The following ZNF827 variants were observed in gnomAD, a reference collection of about 807,000 sequenced individuals.
ZNF827 encodes the protein zinc finger protein 827.
In ZNF827, 13 loss-of-function variants were observed where a neutral mutation model predicts 102.4. That is an observed-to-expected ratio of 0.13 (90% CI 0.08 to 0.20). ZNF827 has a LOEUF of 0.20. Among genes scored for constraint, ZNF827 ranks in the 10% least tolerant of loss-of-function variants. ZNF827 has a pLI of 1.00. For missense variants in ZNF827, 1,103 were observed against 1,344.4 expected (o/e 0.82, Z 2.81); for synonymous variants, 523 against 536.2 (o/e 0.98, Z 0.34).
chr4:145,902,171 T>A lies in ZNF827; in HGVS notation c.1088A>T (p.Asn363Ile), dbSNP rs763846233. Reference protein sequence around the residue: ...VPKGRVSKPSNSASEEESGKP... With the variant: ...VPKGRVSKPSISASEEESGKP... Reference sequence around the variant, plus strand: ...TGAAAGAAAAGATGCCATACCTGAATTGGAGGGTTTAGAAACTCTTCCCTT... The same window carrying A: ...TGAAAGAAAAGATGCCATACCTGAAATGGAGGGTTTAGAAACTCTTCCCTT... Residue 363 changes from asparagine (N) to isoleucine (I), a missense_variant, in exon 2 of 15, where the codon AAT (asparagine) becomes ATT (isoleucine). Asn to Ile is a moderately radical substitution (Grantham distance 149). This residue lies in a region of ZNF827 where 441 missense variants were observed against 458.6 expected (regional missense o/e 0.96). Coordinates refer to ENST00000508784, the MANE Select transcript of ZNF827 (RefSeq NM_001306215.2). The surrounding 1 kb of genome is among the most constrained non-coding windows in gnomAD (Gnocchi z 4.3). 1 of 1,592,316 alleles carries A rather than the reference T, an allele frequency of 6.3e-7. No individual in the cohort carries two copies. Among genetic ancestry groups the A allele is most frequent in the East Asian group, 2.2e-5 (1 of 44,836 alleles).
intron 3 of ZNF827, among the ~76,000 whole-genome samples, chr4:145,891,360 G>T (rs1332421813): frequency 6.6e-6 from 1 of 152,192 alleles, no homozygotes; most frequent in Non-Finnish European, 1.5e-5. Context: ...TGCATAATAA[G>T]ATTTCAATTC....
chr4:145,892,594 C>T lies in ZNF827; in HGVS notation c.1094-179G>A, dbSNP rs563747954. Among the ~76,000 whole-genome samples the T allele has an allele frequency of 5.3e-5, 8 of 152,256 alleles. No homozygotes were observed. The South Asian group carries it at 1.7e-3, about 32-fold the overall frequency. ...GTACTGCTTTTCTTCAGGTAGAAAC[C>T]CATATTCACCTAGTTACTTCCATCT... On this transcript the variant is annotated intron_variant, in intron 2 of 14. Transcript: ENST00000508784.
chr4:145,787,175 T>C (rs1738974396), intron 8 of ZNF827, among the ~76,000 whole-genome samples: 1 of 152,126 alleles, frequency 6.6e-6, no homozygotes. Context: ...TGAGAAATAG[T>C]TTTTGTCGGC....
At position 145,885,930 on chromosome 4, in the gene ZNF827, C is replaced by T. The variant is rs141750019; in HGVS notation, c.1495G>A (p.Gly499Arg). 329 of 1,614,194 alleles carry T rather than the reference C, an allele frequency of 2.0e-4. No individual in the cohort carries two copies. Among genetic ancestry groups the T allele is most frequent in the Non-Finnish European group, 2.6e-4 (306 of 1,180,020 alleles). The change falls in exon 4 of 15, where the codon GGG (glycine) becomes AGG (arginine). Residue 499 changes from glycine (G) to arginine (R), a missense_variant. Transcript: ENST00000508784. ...GGAGTGTTAGACGTCATCATGGTCC[C>T]CACTAGCTCTGTCCCTCCTCCTTCC... ...QREGGGTELVGTMMTSNTPER... is the reference protein window; with the variant it reads ...QREGGGTELVRTMMTSNTPER...
At chr4:145,924,140 G>A (rs569331184) in intron 1 of ZNF827, among the ~76,000 whole-genome samples, 35 of 152,194 alleles carry the variant, frequency 2.3e-4, no homozygotes, top group Admixed American at 7.2e-4. Flanking sequence ...GAAACACCAA[G>A]GTGCAGAACA....
intron 5 of ZNF827, among the ~76,000 whole-genome samples, chr4:145,855,475 A>C (rs1199042283): frequency 1.3e-5 from 2 of 152,266 alleles, no homozygotes; most frequent in Non-Finnish European, 1.5e-5. Context: ...AAAAGGACCA[A>C]TGAAGTGAAA....
rs542077857 is a variant in ZNF827 at position 145,758,962 on chromosome 4, A to G, written c.*2654T>C. ...GTCTTCTGGCTTCCTGTAGAACTGT[A>G]CTAATTTCCAGGGAGCTTTCAGCAA... On this transcript the variant is annotated 3_prime_UTR_variant, in exon 15 of 15. Transcript: ENST00000508784. The G allele has an allele frequency of 6.6e-6, 1 of 152,352 alleles. No individual in the cohort carries two copies. The highest frequency in any genetic ancestry group is 1.9e-4 in the East Asian group (1 of 5,188). 9.4% of individuals were successfully genotyped at this position (152,352 alleles called of 1,614,324 possible).
At chr4:145,838,335 C>CT (rs999651590) in intron 7 of ZNF827, among the ~76,000 whole-genome samples, 1 of 152,164 alleles carries the variant, frequency 6.6e-6, no homozygotes, top group Non-Finnish European at 1.5e-5. Flanking sequence ...AACAAAACCC[C>CT]TTTGACTGTA....
intron 7 of ZNF827, among the ~76,000 whole-genome samples, chr4:145,844,196 A>G (rs994515819): frequency 2.0e-5 from 3 of 152,054 alleles, no homozygotes; most frequent in Non-Finnish European, 4.4e-5. Flanking sequence ...GGGAGTTCAC[A>G]TCTTCTATTT....
chr4:145,904,382 G>C (rs962903381), intron 1 of ZNF827, among the ~76,000 whole-genome samples: 1 of 152,176 alleles, frequency 6.6e-6, no homozygotes, highest in Non-Finnish European at 1.5e-5. Context: ...CATGCCAGAG[G>C]GTGATAAGTC....
intron 11 of ZNF827, among the ~76,000 whole-genome samples, chr4:145,770,299 A>AAAATAAATAAATAAAT (rs150231954): frequency 1.1e-5 from 1 of 87,210 alleles, no homozygotes; most frequent in African/African-American, 3.1e-5. Context: ...ACCCTGTCTT[A>AAAATAAATAAATAAAT]AAATAAATAA....
chr4:145,846,473 GTC>G lies in ZNF827; in HGVS notation c.2222-462_2222-461del, dbSNP rs540494881. ...AGCCTGAGCAACAGAGCAAGACTCT[GTC>G]TCAAACAAACAAACAAACAAAAAAA... On this transcript the variant is annotated intron_variant, in intron 6 of 14. Transcript: ENST00000508784. 5.2e-3 allele frequency among the ~76,000 whole-genome samples: 761 copies of G among 147,012 alleles called. 3 individuals carry two copies. The highest frequency in any genetic ancestry group is 0.019 in the Middle Eastern group (5 of 270).
chr4:145,774,897 C>T (rs1188490373), intron 10 of ZNF827, among the ~76,000 whole-genome samples: 1 of 152,228 alleles, frequency 6.6e-6, no homozygotes, highest in Non-Finnish European at 1.5e-5. Flanking sequence ...GTAACAATCA[C>T]ATATGTGTTA....
At chr4:145,841,934 A>G (rs1017832263) in intron 7 of ZNF827, among the ~76,000 whole-genome samples, 3 of 152,190 alleles carry the variant, frequency 2.0e-5, no homozygotes. Flanking sequence ...AAAAAAACAA[A>G]ACAAAAAAAT....
Position 145,902,211 on chromosome 4 carries a change from A to G in ZNF827, c.1048T>C (p.Leu350=), listed in dbSNP as rs763965049. 10 of 1,606,814 alleles carry G rather than the reference A, an allele frequency of 6.2e-6. No individual in the cohort carries two copies. The highest frequency in any genetic ancestry group is 7.6e-6 in the Non-Finnish European group (9 of 1,177,308). ...ACTCTTCCCTTAGGAACTGGGAGTA[A>G]TAATAATTCCAGGGATTGTGGTGGT... ...PPPPQSLELL[L]LPVPKGRVSK... is the part of the protein sequence containing the mutation. Residue 350 remains leucine (L), a synonymous_variant, in exon 2 of 15, where the codon TTA becomes CTA. Transcript: ENST00000508784. This position sits in a 1 kb window ranked among gnomAD's most constrained non-coding sequence, Gnocchi z 4.3.
chr4:145,779,575 A>G, intron 8 of ZNF827, 64 bp from the exon 9 acceptor site: 7 of 1,574,040 alleles, frequency 4.4e-6, no homozygotes, highest in Non-Finnish European at 6.0e-6. Context: ...CTGTTAGTCA[A>G]CATTCAGGAT....
At chr4:145,914,942 T>C (rs548365843) in intron 1 of ZNF827, among the ~76,000 whole-genome samples, 1 of 152,336 alleles carries the variant, frequency 6.6e-6, no homozygotes, top group East Asian at 1.9e-4. Flanking sequence ...CCAATAAAAC[T>C]CGGATGCTTC....
At chr4:145,821,828 T>A (rs915138483) in intron 8 of ZNF827, among the ~76,000 whole-genome samples, 2 of 152,196 alleles carry the variant, frequency 1.3e-5, no homozygotes, top group Non-Finnish European at 2.9e-5. Context: ...AAGCATATAA[T>A]GAAATCACTC....
chr4:145,828,050 G>A (rs116780188), intron 7 of ZNF827, among the ~76,000 whole-genome samples: 1,541 of 152,260 alleles, frequency 0.01, 27 homozygotes, highest in African/African-American at 0.034. Flanking sequence ...AGCGGGCAGC[G>A]GAGAGGCAAG....
Sources: allele counts gnomAD v4.1 joint callset (sites outside exome capture counted in the v4.1 genomes callset), GRCh38; gene constraint gnomAD v4.1.1; regional missense constraint gnomAD v4.1.1; non-coding constraint Gnocchi (gnomAD v3.1); transcripts MANE v1.5; gene names NCBI Gene and HGNC (gene_info 2026-07-23, HGNC 2026-07-21).